Variants in CBFA2T3 observed in about 807,000 individuals in gnomAD.
CBFA2T3 encodes the protein transcriptional corepressor CBFA2T3.
CBFA2T3 carries 31 observed loss-of-function variants against 58.6 expected under a neutral mutation model. That is an observed-to-expected ratio of 0.53 (90% CI 0.40 to 0.71). The LOEUF (loss-of-function observed/expected upper bound fraction) is 0.71, where lower values mean the gene tolerates loss of function less well. Among genes scored for constraint, CBFA2T3 ranks in the 30% least tolerant of loss-of-function variants. CBFA2T3 has a pLI of 0.00. For synonymous variants in CBFA2T3, 531 were observed against 421.9 expected (o/e 1.26, Z -3.17); for missense variants, 1,076 against 963.1 (o/e 1.12, Z -1.55).
intron 1 of CBFA2T3, among the ~76,000 whole-genome samples, chr16:88,933,166 C>T (rs1192672768): frequency 6.6e-6 from 1 of 152,348 alleles, no homozygotes; most frequent in Non-Finnish European, 1.5e-5. Flanking sequence ...CCTGTGGCCC[C>T]GGCCCTGCCT....
At chr16:88,880,611 G>C in intron 10 of CBFA2T3, 109 bp downstream of exon 10, 1 of 909,616 alleles carries the variant, frequency 1.1e-6, no homozygotes, top group Non-Finnish European at 1.7e-6. Flanking sequence ...CTTGTAGCCT[G>C]AGCCCCCAGA....
At chr16:88,906,397 T>C (rs191001705) in intron 1 of CBFA2T3, among the ~76,000 whole-genome samples, 230 of 152,198 alleles carry the variant, frequency 1.5e-3, no homozygotes, top group African/African-American at 5.3e-3. Flanking sequence ...CCTGGCCGCA[T>C]CCCCTCGTCC....
chr16:88,907,747 C>T (rs1000503290), intron 1 of CBFA2T3, among the ~76,000 whole-genome samples: 16 of 152,216 alleles, frequency 1.1e-4, no homozygotes, highest in Non-Finnish European at 2.1e-4. Flanking sequence ...CCTTCTCACT[C>T]CCCCTGCCCA....
At chr16:88,887,586 G>A (rs936425941) in intron 5 of CBFA2T3, among the ~76,000 whole-genome samples, 1 of 152,180 alleles carries the variant, frequency 6.6e-6, no homozygotes, top group African/African-American at 2.4e-5. Flanking sequence ...GGCAGCATCA[G>A]CGTAGGGGCC....
Position 88,973,190 on chromosome 16 carries a change from C to G in CBFA2T3, c.151+3467G>C, listed in dbSNP as rs75396238. On this transcript the variant is annotated intron_variant, in intron 1 of 11. Transcript: ENST00000268679. ...GGGCTGCCTGCAGCCTCTCCAGTGCCTCCCTGTGTCCCACCGCCTGGAGTG... is the reference window on the plus strand; with the variant it reads ...GGGCTGCCTGCAGCCTCTCCAGTGCGTCCCTGTGTCCCACCGCCTGGAGTG... Among the ~76,000 whole-genome samples the G allele has an allele frequency of 5.2e-3, 792 of 152,382 alleles. 15 individuals carry two copies. The South Asian group carries it at 0.06, about 12-fold the overall frequency.
At chr16:88,952,446 C>G (rs372563371) in intron 1 of CBFA2T3, among the ~76,000 whole-genome samples, 24 of 152,100 alleles carry the variant, frequency 1.6e-4, no homozygotes, top group East Asian at 1.2e-3. Context: ...GACAAATGCC[C>G]AGGCCATGGG....
chr16:88,907,141 G>A (rs1274980449), intron 1 of CBFA2T3, among the ~76,000 whole-genome samples: 30 of 152,184 alleles, frequency 2.0e-4, no homozygotes, highest in Admixed American at 2.0e-3. Context: ...AGCTGCAAGG[G>A]GACCCCGGTC....
intron 1 of CBFA2T3, among the ~76,000 whole-genome samples, chr16:88,920,500 G>A (rs1465902004): frequency 1.3e-5 from 2 of 151,130 alleles, no homozygotes; most frequent in African/African-American, 4.9e-5. Flanking sequence ...GGCCAGGCTG[G>A]TCTCGAACTC....
At chr16:88,930,544 G>C (rs1008405393) in intron 1 of CBFA2T3, among the ~76,000 whole-genome samples, 1 of 151,794 alleles carries the variant, frequency 6.6e-6, no homozygotes, top group African/African-American at 2.4e-5. Flanking sequence ...GCTCCAGTGC[G>C]GGGAGCCACG....
chr16:88,914,247 G>C (rs1010254391), intron 1 of CBFA2T3, among the ~76,000 whole-genome samples: 1 of 152,356 alleles, frequency 6.6e-6, no homozygotes, highest in African/African-American at 2.4e-5. Flanking sequence ...TGTGATGCTA[G>C]AGGTCAGGAA....
intron 1 of CBFA2T3, among the ~76,000 whole-genome samples, chr16:88,947,956 C>A (rs1012880294): frequency 2.0e-5 from 3 of 152,150 alleles, no homozygotes; most frequent in African/African-American, 7.2e-5. Flanking sequence ...TGTTGGAAGA[C>A]ATCTCGTAAA....
At chr16:88,893,450 T>G (rs1244154373) in intron 3 of CBFA2T3, among the ~76,000 whole-genome samples, 1 of 152,038 alleles carries the variant, frequency 6.6e-6, no homozygotes, top group East Asian at 1.9e-4. Flanking sequence ...CCCAGACAGG[T>G]GACTCCCAGC....
chr16:88,936,636 A>G (rs1375510868), intron 1 of CBFA2T3: 2 of 152,524 alleles, frequency 1.3e-5, no homozygotes, highest in Non-Finnish European at 2.9e-5. Context: ...GGCCGACAGC[A>G]GTGCGGGGTG....
At chr16:88,898,266 GC>G in intron 2 of CBFA2T3, 114 bp from the exon 3 acceptor site, 1 of 808,586 alleles carries the variant, frequency 1.2e-6, no homozygotes, top group South Asian at 1.4e-5. Flanking sequence ...TTTGGTGGGG[GC>G]GTGGGCAGGA....
At chr16:88,925,370 GCT>G (rs1971053901) in intron 1 of CBFA2T3, among the ~76,000 whole-genome samples, 1 of 152,202 alleles carries the variant, frequency 6.6e-6, no homozygotes, top group Non-Finnish European at 1.5e-5. Flanking sequence ...TCCACCAGGC[GCT>G]CTCATGCAGC....
chr16:88,889,717 C>T (rs563370702), intron 5 of CBFA2T3, among the ~76,000 whole-genome samples: 1 of 151,702 alleles, frequency 6.6e-6, no homozygotes, highest in South Asian at 2.1e-4. Context: ...CCCGCGATTC[C>T]TCCTCCTCCA....
chr16:88,909,026 C>T (rs779714394), intron 1 of CBFA2T3, among the ~76,000 whole-genome samples: 5 of 152,186 alleles, frequency 3.3e-5, no homozygotes, highest in African/African-American at 7.2e-5. Context: ...CGGGGGGCAC[C>T]GGCTCTGCCC....
chr16:88,895,860 G>C (rs7200474), intron 3 of CBFA2T3, among the ~76,000 whole-genome samples: 1 of 152,054 alleles, frequency 6.6e-6, no homozygotes, highest in African/African-American at 2.4e-5. Flanking sequence ...AGGCCCAGAC[G>C]TGCCCTGTGA....
At chr16:88,923,708 C>T (rs1970996612) in intron 1 of CBFA2T3, among the ~76,000 whole-genome samples, 1 of 152,236 alleles carries the variant, frequency 6.6e-6, no homozygotes, top group Non-Finnish European at 1.5e-5. Flanking sequence ...GTCGCTCCTG[C>T]TGTCAGGGTG....
Sources: gnomAD v4.1 joint callset for allele counts (sites outside exome capture counted in the v4.1 genomes callset) on GRCh38, gnomAD v4.1.1 for gene constraint, MANE v1.5 for transcripts, NCBI Gene and HGNC (gene_info 2026-07-23, HGNC 2026-07-21) for gene names.